Variants in MYO1A observed in about 807,000 individuals in gnomAD.
The protein encoded by MYO1A is myosin IA.
MYO1A carries 127 observed loss-of-function variants against 138.5 expected under a neutral mutation model. That is an observed-to-expected ratio of 0.92 (90% confidence interval 0.79 to 1.06). The LOEUF is 1.06. Among genes scored for constraint, MYO1A ranks in the 50% least tolerant of loss-of-function variants. The pLI, the probability that MYO1A is intolerant of heterozygous loss-of-function variation, is 0.00. For missense variants in MYO1A, 1,211 were observed against 1,288.8 expected, an observed-to-expected ratio of 0.94 and a Z score of 0.92; for synonymous variants, 477 against 497.5, an observed-to-expected ratio of 0.96 and a Z score of 0.55.
Position 57,041,500 on chromosome 12 carries a change from G to T in MYO1A, c.1099-3C>A. On this transcript the variant is annotated splice_region_variant and splice_polypyrimidine_tract_variant and intron_variant, in intron 12 of 27. Transcript: ENST00000300119. ...TTCTTCTTTTCCCCGATGCCCACCT[G>T]AAGAGGAGAGAAAGATAAATCTGAG... 1 of 1,611,288 alleles carries T rather than the reference G, an allele frequency of 6.2e-7. No individual in the cohort carries two copies. Among genetic ancestry groups the T allele is most frequent in the Non-Finnish European group, 8.5e-7 (1 of 1,177,426 alleles).
chr12:57,030,115 G>A, intron 24 of MYO1A, 95 bp downstream of exon 24: 6 of 1,302,008 alleles, frequency 4.6e-6, no homozygotes, highest in Middle Eastern at 1.9e-4. Context: ...ACAGCACCTG[G>A]GGGTGACAAT....
chr12:57,029,954 C>A (rs557726767), intron 24 of MYO1A, 82 bp from the exon 25 acceptor site: 8 of 1,603,538 alleles, frequency 5.0e-6, no homozygotes, highest in Non-Finnish European at 6.8e-6. Flanking sequence ...CTAGTCCTCC[C>A]GGGCCCTTCC....
chr12:57,033,469 A>AC (rs1355779954), intron 22 of MYO1A, among the ~76,000 whole-genome samples: 1 of 151,852 alleles, frequency 6.6e-6, no homozygotes, highest in East Asian at 1.9e-4. Context: ...CGATCCTCCC[A>AC]CCTCAGCCTT....
At chr12:57,040,821 G>C (rs908341169) in intron 14 of MYO1A, among the ~76,000 whole-genome samples, 1 of 152,212 alleles carries the variant, frequency 6.6e-6, no homozygotes, top group African/African-American at 2.4e-5. Context: ...GGGCCCGGGG[G>C]AGACCAAGGA....
intron 22 of MYO1A, among the ~76,000 whole-genome samples, chr12:57,036,043 T>A (rs926990965): frequency 6.6e-6 from 1 of 152,214 alleles, no homozygotes; most frequent in Non-Finnish European, 1.5e-5. Context: ...ATAGACCAGA[T>A]GGTGGGTGTG....
In MYO1A at chr12:57,038,533, A is replaced by G. The variant is rs1274062945; in HGVS notation, c.1639T>C (p.Phe547Leu). Residue 547 changes from phenylalanine to leucine, a missense_variant, in exon 17 of 28, where the codon TTT becomes CTT. Physicochemically the swap from Phe to Leu is conservative, Grantham distance 22. Coordinates refer to ENST00000300119, the MANE Select transcript of MYO1A (RefSeq NM_005379.4). Reference protein sequence around the residue: ...KAQHPLLRSLFPEGNPKQASL... With the variant: ...KAQHPLLRSLLPEGNPKQASL... ...GCCTGCTTAGGATTGCCCTCAGGAA[A>G]CAAGGACCGAAGGAGGGGGTGCTGG... 6.2e-7 allele frequency: 1 copy of G among 1,614,062 alleles called. No individual in the cohort carries two copies. Among genetic ancestry groups the G allele is most frequent in the Non-Finnish European group, 8.5e-7 (1 of 1,180,036 alleles).
In MYO1A at chr12:57,041,326, G is replaced by A. The variant is rs200199219; in HGVS notation, c.1165-38C>T. 2,508 of 1,601,624 alleles carry A rather than the reference G, an allele frequency of 1.6e-3. 1 individual carries two copies. The highest frequency in any genetic ancestry group is 2.0e-3 in the Non-Finnish European group (2,355 of 1,168,720). ...GCACAGGTTAGAGAGCTCACTCCAA[G>A]ACTGTTTCTCCGTCTCAGTCCTACC... is the stretch of plus-strand genomic sequence containing the variant. On this transcript the variant is annotated intron_variant, in intron 13 of 27. Coordinates refer to ENST00000300119, the MANE Select transcript of MYO1A (RefSeq NM_005379.4).
At chr12:57,040,737 T>C (rs541315363) in intron 14 of MYO1A, among the ~76,000 whole-genome samples, 1 of 152,210 alleles carries the variant, frequency 6.6e-6, no homozygotes, top group African/African-American at 2.4e-5. Context: ...GCCATAGAAA[T>C]TGGAGCCATG....
intron 15 of MYO1A, 31 bp downstream of exon 15, chr12:57,039,181 A>C: frequency 6.2e-7 from 1 of 1,605,784 alleles, no homozygotes; most frequent in South Asian, 1.1e-5. Context: ...CTGGAAGGGG[A>C]AGTCCCACAG....
At chr12:57,036,670 C>G in intron 21 of MYO1A, 102 bp downstream of exon 21, 1 of 1,389,910 alleles carries the variant, frequency 7.2e-7, no homozygotes, top group Admixed American at 1.7e-5. Flanking sequence ...CACAGAGGTG[C>G]GGCCTGGGTG....
intron 18 of MYO1A, 24 bp downstream of exon 18, chr12:57,037,845 C>T: frequency 1.9e-6 from 3 of 1,612,556 alleles, no homozygotes; most frequent in Non-Finnish European, 2.5e-6. Context: ...TTTCCTGATG[C>T]CCAGTCTCCC....
In MYO1A at chr12:57,041,232, C is replaced by T; in HGVS notation, c.1221G>A (p.Val407=). The T allele has an allele frequency of 2.5e-6, 4 of 1,614,020 alleles. No homozygotes were observed. Among genetic ancestry groups the T allele is most frequent in the Non-Finnish European group, 3.4e-6 (4 of 1,180,034 alleles). Residue 407 remains valine (V), a synonymous_variant, in exon 14 of 28, where the codon GTG becomes GTA. Coordinates refer to ENST00000300119, the MANE Select transcript of MYO1A (RefSeq NM_005379.4). ...CTTCTTTCAGGGTCATCTCTATGAACACCTGCTGCAGCTTCTCATTGCAGT... is the reference window on the plus strand; with the variant it reads ...CTTCTTTCAGGGTCATCTCTATGAATACCTGCTGCAGCTTCTCATTGCAGT... ...INYCNEKLQQ[V]FIEMTLKEEQ...
intron 1 of MYO1A, among the ~76,000 whole-genome samples, chr12:57,048,734 CCT>C (rs553920472): frequency 2.6e-4 from 40 of 152,154 alleles, no homozygotes; most frequent in Middle Eastern, 3.4e-3. Context: ...TACAGAAAGC[CCT>C]CTCTCTCCTA....
rs1565647796 is a variant in MYO1A, at chr12:57,046,665, G to C, written c.542-15C>G. ...CTCAAGCAGATCTGGCAGAGAATTA[G>C]AAAAATAATATCCTGAGGGCCTGGG... is the stretch of plus-strand genomic sequence containing the variant. On this transcript the variant is annotated splice_polypyrimidine_tract_variant and intron_variant, in intron 7 of 27. Coordinates refer to ENST00000300119, the MANE Select transcript of MYO1A (RefSeq NM_005379.4). The C allele has an allele frequency of 2.5e-6, 4 of 1,609,342 alleles. No individual in the cohort carries two copies. Among genetic ancestry groups the C allele is most frequent in the Non-Finnish European group, 2.6e-6 (3 of 1,175,718 alleles).
chr12:57,030,064 T>C lies in MYO1A; in HGVS notation c.2591+146A>G, dbSNP rs56354404. On this transcript the variant is annotated intron_variant, in intron 24 of 27. Coordinates refer to ENST00000300119, the MANE Select transcript of MYO1A (RefSeq NM_005379.4). ...TTGTTAGAAAGGCAAATTTTGGTCC[T>C]CACCCCAAGACCTGCTGGATCAGAG... is the stretch of plus-strand genomic sequence containing the variant. The C allele has an allele frequency of 0.087, 107,355 of 1,234,026 alleles. 4,936 individuals carry two copies. Among genetic ancestry groups the C allele is most frequent in the East Asian group, 0.14 (5,702 of 40,468 alleles). The allele number at this position is 1,234,026 out of a possible 1,614,324, so 76.4% of individuals were successfully genotyped here.
chr12:57,030,017 G>C (rs1308843424), intron 24 of MYO1A, 145 bp from the exon 25 acceptor site: 1 of 1,409,784 alleles, frequency 7.1e-7, no homozygotes, highest in African/African-American at 1.4e-5. Context: ...CCAGGACCAA[G>C]ACATCAGCAC....
Position 57,047,712 on chromosome 12 carries a change from C to T in MYO1A, c.240G>A (p.Leu80=), listed in dbSNP as rs369928147. Residue 80 remains leucine (L), a synonymous_variant, in exon 4 of 28, where the codon TTG becomes TTA. Coordinates refer to ENST00000300119, the MANE Select transcript of MYO1A (RefSeq NM_005379.4). ...FYELKPHIYA[L]ANVAYQSLRD... ...TCAGTGACTGGTACGCCACATTTGC[C>T]AATGCGTAGCTTGTGGGGAGGAAGT... 3 of 1,614,084 alleles carry T rather than the reference C, an allele frequency of 1.9e-6. No individual in the cohort carries two copies. The highest frequency in any genetic ancestry group is 2.7e-5 in the African/African-American group (2 of 74,938).
At chr12:57,047,908 G>A in intron 3 of MYO1A, 81 bp downstream of exon 3, 1 of 1,563,668 alleles carries the variant, frequency 6.4e-7, no homozygotes, top group Non-Finnish European at 8.7e-7. Context: ...GCCCCTTCAG[G>A]GGAAGGGACA....
At chr12:57,036,750 C>G in intron 21 of MYO1A, 22 bp downstream of exon 21, 7 of 1,613,820 alleles carry the variant, frequency 4.3e-6, no homozygotes, top group Non-Finnish European at 5.9e-6. Flanking sequence ...TGTGAGGAAA[C>G]CTCTCTTCCA....
Sources: allele counts gnomAD v4.1 joint callset (sites outside exome capture counted in the v4.1 genomes callset), GRCh38; gene constraint gnomAD v4.1.1; transcripts MANE v1.5; gene names NCBI Gene and HGNC (gene_info 2026-07-23, HGNC 2026-07-21).